The following CCDC73 variants were observed in gnomAD, a reference collection of about 807,000 sequenced individuals.
CCDC73 encodes coiled-coil domain-containing protein 73.
CCDC73 carries 95 observed loss-of-function variants against 116.5 expected under a neutral mutation model. The observed-to-expected ratio is 0.82, with a 90% CI of 0.69 to 0.97. CCDC73 has a LOEUF of 0.97. Ranked by LOEUF, CCDC73 falls within the 50% of genes least tolerant of loss-of-function variation. The pLI, the probability that CCDC73 is intolerant of heterozygous loss-of-function variation, is 0.00. For missense variants in CCDC73, 1,066 were observed against 1,206.8 expected (o/e 0.88, Z 1.73); for synonymous variants, 398 against 401.3 (o/e 0.99, Z 0.10).
intron 3 of CCDC73, among the ~76,000 whole-genome samples, chr11:32,713,611 G>A (rs1176434613): frequency 1.3e-5 from 2 of 152,002 alleles, no homozygotes; most frequent in African/African-American, 4.8e-5. Flanking sequence ...GCCTACAACT[G>A]GCTCCAGAGT....
intron 9 of CCDC73, among the ~76,000 whole-genome samples, chr11:32,666,168 G>C (rs908733356): frequency 7.2e-5 from 11 of 152,102 alleles, no homozygotes; most frequent in African/African-American, 2.4e-4. Context: ...GAGTATCTTT[G>C]TGGCATTCTC....
chr11:32,720,784 T>C (rs1490906152), intron 2 of CCDC73, among the ~76,000 whole-genome samples: 1 of 152,008 alleles, frequency 6.6e-6, no homozygotes, highest in East Asian at 1.9e-4. Context: ...ATCAAGAGAG[T>C]AATTATCTCT....
the CCDC73 span, among the ~76,000 whole-genome samples, chr11:32,805,643 C>A: frequency 6.6e-6 from 1 of 152,120 alleles, no homozygotes; most frequent in Non-Finnish European, 1.5e-5. Flanking sequence ...ATCTACCATA[C>A]AAATTGATAT....
chr11:32,714,659 T>C (rs1849929803), intron 3 of CCDC73, among the ~76,000 whole-genome samples: 1 of 151,926 alleles, frequency 6.6e-6, no homozygotes, highest in East Asian at 1.9e-4. Context: ...CATCAAGAAA[T>C]TTAAATCTAA....
chr11:32,609,330 T>C (rs1292118971), intron 17 of CCDC73, among the ~76,000 whole-genome samples: 4 of 152,150 alleles, frequency 2.6e-5, no homozygotes, highest in Non-Finnish European at 1.5e-5. Flanking sequence ...CTCTCTCAAG[T>C]TCAAAGTTCC....
At chr11:32,655,164 A>T (rs1855860941) in intron 9 of CCDC73, among the ~76,000 whole-genome samples, 192 bp from the exon 10 acceptor site, 1 of 152,284 alleles carries the variant, frequency 6.6e-6, no homozygotes, top group African/African-American at 2.4e-5. Flanking sequence ...AAGTTAATCA[A>T]TCATAAAGAG....
chr11:32,646,145 T>C (rs1173566694), intron 12 of CCDC73, among the ~76,000 whole-genome samples: 1 of 152,228 alleles, frequency 6.6e-6, no homozygotes, highest in African/African-American at 2.4e-5. Context: ...ATTTCTTGTC[T>C]GCACCCAATA....
chr11:32,653,122 C>T lies in CCDC73; in HGVS notation c.939+1G>A, dbSNP rs1855841083. The stretch of plus-strand genomic sequence containing the variant: ...CAGACAGACAGACAGATAGAACGAA[C>T]CTGATTATTTTCTTTTAGCACCTTC... On this transcript the variant is annotated splice_donor_variant, in intron 12 of 17. Transcript: ENST00000335185. LOFTEE classifies it high-confidence loss of function. The T allele has an allele frequency of 1.9e-6, 3 of 1,582,700 alleles. No individual in the cohort carries two copies. The highest frequency in any genetic ancestry group is 2.3e-5 in the East Asian group (1 of 44,322).
intron 17 of CCDC73, among the ~76,000 whole-genome samples, chr11:32,607,899 C>T (rs546799635): frequency 6.6e-6 from 1 of 152,308 alleles, no homozygotes; most frequent in Admixed American, 6.5e-5. Context: ...GCAATTCTTA[C>T]ATGGTGGCAG....
chr11:32,816,372 C>G, the CCDC73 span, among the ~76,000 whole-genome samples: 1 of 152,276 alleles, frequency 6.6e-6, no homozygotes, highest in South Asian at 2.1e-4. Flanking sequence ...ATGTATTTAA[C>G]AAATCTCCCC....
intron 1 of CCDC73, among the ~76,000 whole-genome samples, chr11:32,766,685 C>G (rs1189508119): frequency 1.3e-5 from 2 of 152,174 alleles, no homozygotes; most frequent in Non-Finnish European, 2.9e-5. Context: ...AACAGGCAAA[C>G]AGAGAGCCAA....
At chr11:32,618,498 T>C (rs1855493992) in intron 14 of CCDC73, among the ~76,000 whole-genome samples, 1 of 152,136 alleles carries the variant, frequency 6.6e-6, no homozygotes, top group Non-Finnish European at 1.5e-5. Flanking sequence ...AGCATATAAG[T>C]TTTCCCTTTT....
intron 2 of CCDC73, among the ~76,000 whole-genome samples, chr11:32,734,132 T>C (rs924728303): frequency 1.3e-5 from 2 of 152,190 alleles, no homozygotes; most frequent in African/African-American, 4.8e-5. Flanking sequence ...CATCAGAGAA[T>C]ACTATAAACA....
chr11:32,751,471 T>A (rs1201885315), intron 2 of CCDC73, among the ~76,000 whole-genome samples: 2 of 152,164 alleles, frequency 1.3e-5, no homozygotes, highest in African/African-American at 4.8e-5. Context: ...CGGCAAGGCT[T>A]GCTGAAACTC....
chr11:32,724,776 C>T (rs1340395949), intron 2 of CCDC73, among the ~76,000 whole-genome samples: 1 of 152,096 alleles, frequency 6.6e-6, no homozygotes, highest in Admixed American at 6.6e-5. Flanking sequence ...ACATCACATG[C>T]GAACTGCCTG....
At chr11:32,812,864 A>C in the CCDC73 span, among the ~76,000 whole-genome samples, 1 of 152,044 alleles carries the variant, frequency 6.6e-6, no homozygotes, top group Admixed American at 6.6e-5. Context: ...AAAAATACCA[A>C]ACTGTAACTG....
At chr11:32,811,512 G>T in the CCDC73 span, among the ~76,000 whole-genome samples, 4 of 152,110 alleles carry the variant, frequency 2.6e-5, no homozygotes, top group African/African-American at 9.7e-5. Context: ...TTGCTGTAAA[G>T]GAATACCTTA....
chr11:32,828,961 C>T, the CCDC73 span, among the ~76,000 whole-genome samples: 1 of 152,134 alleles, frequency 6.6e-6, no homozygotes, highest in East Asian at 1.9e-4. Context: ...TAGATATGAA[C>T]AAATAGAACT....
At chr11:32,635,251 T>C (rs1855667348) in intron 14 of CCDC73, among the ~76,000 whole-genome samples, 1 of 152,108 alleles carries the variant, frequency 6.6e-6, no homozygotes, top group Admixed American at 6.6e-5. Context: ...GGACTTAGAA[T>C]AGAAAAAGCT....
Sources: gnomAD v4.1 joint callset for allele counts (sites outside exome capture counted in the v4.1 genomes callset) on GRCh38, gnomAD v4.1.1 for gene constraint, MANE v1.5 for transcripts, NCBI Gene and HGNC (gene_info 2026-07-23, HGNC 2026-07-21) for gene names.